Variants in SLAMF6 observed in about 807,000 individuals in gnomAD.
SLAMF6 encodes NK-T-B-antigen.
In SLAMF6, 21 loss-of-function variants were observed where a neutral mutation model predicts 38.3. The ratio of observed to expected loss-of-function variants is 0.55; its 90% CI spans 0.39 to 0.79. The LOEUF (loss-of-function observed/expected upper bound fraction) is 0.79. SLAMF6 is among the 30% of genes least tolerant of loss of function. SLAMF6 has a pLI of 0.00. For missense variants in SLAMF6, 341 were observed against 385.3 expected, an observed-to-expected ratio of 0.89 and a Z score of 0.96; for synonymous variants, 152 against 146.3, an observed-to-expected ratio of 1.04 and a Z score of -0.28.
At chr1:160,492,676 A>G (rs1653366479) in intron 2 of SLAMF6, among the ~76,000 whole-genome samples, 1 of 152,122 alleles carries the variant, frequency 6.6e-6, no homozygotes, top group Non-Finnish European at 1.5e-5. Context: ...TATATCTCAA[A>G]CTTGGTATAG....
At chr1:160,504,599 AC>A (rs2102044552) in intron 1 of SLAMF6, among the ~76,000 whole-genome samples, 1 of 152,334 alleles carries the variant, frequency 6.6e-6, no homozygotes, top group South Asian at 2.1e-4. Flanking sequence ...TCCCTAAAAA[AC>A]TGAGGAAAAG....
intron 2 of SLAMF6, 126 bp downstream of exon 2, chr1:160,495,935 G>T: frequency 2.4e-6 from 2 of 826,702 alleles, no homozygotes; most frequent in Non-Finnish European, 1.9e-6. Context: ...TGTTGACACT[G>T]ACTCAATGAC....
At chr1:160,492,726 C>A (rs1267343641) in intron 2 of SLAMF6, among the ~76,000 whole-genome samples, 1 of 152,208 alleles carries the variant, frequency 6.6e-6, no homozygotes, top group South Asian at 2.1e-4. Context: ...ACCTTCTCAA[C>A]CTGCAGTTTT....
intron 1 of SLAMF6, among the ~76,000 whole-genome samples, chr1:160,509,599 C>T (rs758913054): frequency 6.6e-5 from 10 of 151,982 alleles, no homozygotes; most frequent in Non-Finnish European, 1.3e-4. Context: ...CACATATATA[C>T]CTATGTAACA....
intron 2 of SLAMF6, among the ~76,000 whole-genome samples, chr1:160,493,828 G>A (rs1272960176): frequency 1.3e-5 from 2 of 152,138 alleles, no homozygotes; most frequent in African/African-American, 4.8e-5. Context: ...GCAAGGGGAA[G>A]CAAGTCACGT....
At chr1:160,507,101 G>A (rs1179152803) in intron 1 of SLAMF6, among the ~76,000 whole-genome samples, 2 of 152,008 alleles carry the variant, frequency 1.3e-5, no homozygotes, top group Non-Finnish European at 2.9e-5. Flanking sequence ...GAGATAGGCA[G>A]AATGAATTGA....
At chr1:160,522,304 A>G (rs957617177) in intron 1 of SLAMF6, among the ~76,000 whole-genome samples, 27 of 152,248 alleles carry the variant, frequency 1.8e-4, no homozygotes, top group Non-Finnish European at 2.9e-5. Flanking sequence ...TGAGACTCAT[A>G]ACGTGTGTAC....
chr1:160,490,529 CACTGGA>C (rs748174965), intron 4 of SLAMF6, 40 bp downstream of exon 4: 1 of 1,599,108 alleles, frequency 6.3e-7, no homozygotes, highest in South Asian at 1.1e-5. Flanking sequence ...AACTCTCAAT[CACTGGA>C]ACCTTGGAGA....
chr1:160,490,954 G>T, intron 3 of SLAMF6, 171 bp downstream of exon 3: 1 of 922,710 alleles, frequency 1.1e-6, no homozygotes, highest in Non-Finnish European at 1.6e-6. Context: ...GAGGAAGGAA[G>T]GAGAGTCCTC....
At chr1:160,488,973 G>T in intron 6 of SLAMF6, 115 bp downstream of exon 6, 1 of 920,226 alleles carries the variant, frequency 1.1e-6, no homozygotes, top group Non-Finnish European at 1.8e-6. Flanking sequence ...TGTCGCTGTG[G>T]CTGTCTTCTC....
rs1251189797 is a variant in SLAMF6, at chr1:160,490,213, G to T, written c.781C>A (p.Arg261=). 6.2e-7 allele frequency: 1 copy of T among 1,613,582 alleles called. No homozygotes were observed. Among genetic ancestry groups the T allele is most frequent in the South Asian group, 1.1e-5 (1 of 91,060 alleles). Residue 261 remains arginine (R), a synonymous_variant, in exon 5 of 8, where the codon CGA becomes AGA. Transcript: ENST00000368057. Reference sequence around the variant, plus strand: ...GAATGCTCACCGGGGCCCTGTGTTCGCTGAGTAGACAAAGATAGGGAATCT... The same window carrying T: ...GAATGCTCACCGGGGCCCTGTGTTCTCTGAGTAGACAAAGATAGGGAATCT... ...RRDSLSLSTQ[R]TQGPAESARN...
chr1:160,521,737 T>TA (rs1654994837), intron 1 of SLAMF6, among the ~76,000 whole-genome samples: 1 of 152,156 alleles, frequency 6.6e-6, no homozygotes, highest in Non-Finnish European at 1.5e-5. Flanking sequence ...ACTGACATCC[T>TA]AAAATCAGTA....
At chr1:160,520,863 T>A (rs184791191) in intron 1 of SLAMF6, among the ~76,000 whole-genome samples, 1 of 152,300 alleles carries the variant, frequency 6.6e-6, no homozygotes, top group Admixed American at 6.5e-5. Flanking sequence ...CCTTCCTAAA[T>A]CACTCCAGGC....
intron 1 of SLAMF6, among the ~76,000 whole-genome samples, chr1:160,513,707 T>G (rs931671895): frequency 1.3e-5 from 2 of 152,186 alleles, no homozygotes; most frequent in African/African-American, 4.8e-5. Flanking sequence ...GGGTCAATAT[T>G]CAACATTCTT....
chr1:160,504,311 GA>G (rs1359957856), intron 1 of SLAMF6, among the ~76,000 whole-genome samples: 1 of 152,080 alleles, frequency 6.6e-6, no homozygotes, highest in African/African-American at 2.4e-5. Context: ...GCAAGATAAT[GA>G]ATATGTTAAT....
In SLAMF6 at chr1:160,489,730, A is replaced by G. The variant is rs1013501668; in HGVS notation, c.796+468T>C. On this transcript the variant is annotated intron_variant, in intron 5 of 7. Transcript: ENST00000368057. ...TGATGTCATGCATCACTCATGCATG[A>G]AATGAGACCCAAAGCCAATCTGAGT... Among the ~76,000 whole-genome samples the G allele has an allele frequency of 3.3e-5, 5 of 152,200 alleles. No homozygotes were observed. In the East Asian group the frequency reaches 9.6e-4, roughly 29 times the overall value.
chr1:160,498,599 A>G (rs1406924447), intron 1 of SLAMF6, among the ~76,000 whole-genome samples: 1 of 152,216 alleles, frequency 6.6e-6, no homozygotes, highest in Non-Finnish European at 1.5e-5. Flanking sequence ...CTACCCCCAG[A>G]TTCAATTACC....
intron 1 of SLAMF6, among the ~76,000 whole-genome samples, chr1:160,511,745 G>A (rs761968623): frequency 6.6e-6 from 1 of 152,174 alleles, no homozygotes; most frequent in Non-Finnish European, 1.5e-5. Flanking sequence ...AACAGCTGTG[G>A]TTGGAGGATC....
intron 5 of SLAMF6, 126 bp from the exon 6 acceptor site, chr1:160,489,296 G>A (rs1245888017): frequency 1.2e-6 from 1 of 838,176 alleles, no homozygotes; most frequent in Non-Finnish European, 2.0e-6. Context: ...CCTTTCCTGA[G>A]GGATCATTCG....
Sources: gnomAD v4.1 joint callset for allele counts (sites outside exome capture counted in the v4.1 genomes callset) on GRCh38, gnomAD v4.1.1 for gene constraint, MANE v1.5 for transcripts, NCBI Gene and HGNC (gene_info 2026-07-23, HGNC 2026-07-21) for gene names.